TMEM232: variants seen among roughly 807,000 people sequenced by gnomAD.
TMEM232 encodes transmembrane protein 232.
TMEM232 carries 80 observed loss-of-function variants against 78.8 expected under a neutral mutation model. The observed-to-expected ratio is 1.01, with a 90% CI of 0.85 to 1.22. The LOEUF is 1.22. TMEM232 is among the 50% of genes most tolerant of loss of function. The pLI, the probability that TMEM232 is intolerant of heterozygous loss-of-function variation, is 0.00. For missense variants in TMEM232, 881 were observed against 742.2 expected, an observed-to-expected ratio of 1.19 and a Z score of -2.17; for synonymous variants, 297 against 254.3, an observed-to-expected ratio of 1.17 and a Z score of -1.60.
intron 11 of TMEM232, among the ~76,000 whole-genome samples, chr5:110,534,411 C>T (rs1474683120): frequency 6.6e-6 from 1 of 152,188 alleles, no homozygotes; most frequent in Admixed American, 6.5e-5. Context: ...CTAGACAATA[C>T]TTTTATCACT....
At chr5:110,676,682 T>C (rs984573545) in intron 1 of TMEM232, among the ~76,000 whole-genome samples, 1 of 151,906 alleles carries the variant, frequency 6.6e-6, no homozygotes, top group Non-Finnish European at 1.5e-5. Context: ...CTGCAGCCTC[T>C]GAAAGTGCTA....
intron 10 of TMEM232, among the ~76,000 whole-genome samples, chr5:110,574,208 C>T (rs554763753): frequency 2.6e-5 from 4 of 152,072 alleles, no homozygotes; most frequent in African/African-American, 9.6e-5. Context: ...ATGTCTGCTA[C>T]TTTGTATTAT....
intron 11 of TMEM232, among the ~76,000 whole-genome samples, chr5:110,552,753 T>TATA (rs1774620171): frequency 1.3e-5 from 2 of 152,142 alleles, no homozygotes; most frequent in Admixed American, 1.3e-4. Flanking sequence ...TCTGCAAATA[T>TATA]ATAATTTATC....
intron 11 of TMEM232, among the ~76,000 whole-genome samples, chr5:110,551,634 C>A (rs1774475673): frequency 6.6e-6 from 1 of 152,146 alleles, no homozygotes; most frequent in South Asian, 2.1e-4. Context: ...GAAAAAATAT[C>A]AACCCACAGT....
At position 110,589,291 on chromosome 5, in the gene TMEM232, A is replaced by G. The variant is rs541955549; in HGVS notation, c.1276+15818T>C. ...CTATAACATGGGAAGTGTTTTAATG[A>G]CACAGACCCCTGGACCCCACCTTTT... On this transcript the variant is annotated intron_variant, in intron 10 of 13. Coordinates refer to ENST00000455884, the MANE Select transcript of TMEM232 (RefSeq NM_001039763.4). 4.3e-4 allele frequency among the ~76,000 whole-genome samples: 65 copies of G among 152,256 alleles called. 1 individual carries two copies. Among genetic ancestry groups the G allele is most frequent in the African/African-American group, 1.4e-3 (60 of 41,558 alleles).
chr5:110,454,647 A>G (rs1487249085), intron 12 of TMEM232, among the ~76,000 whole-genome samples: 1 of 152,200 alleles, frequency 6.6e-6, no homozygotes, highest in Non-Finnish European at 1.5e-5. Flanking sequence ...AGAAAATGAA[A>G]GCACTGACAA....
chr5:110,483,730 C>A (rs1414241741), intron 12 of TMEM232, among the ~76,000 whole-genome samples: 1 of 151,428 alleles, frequency 6.6e-6, no homozygotes, highest in Non-Finnish European at 1.5e-5. Context: ...GCACATGTAC[C>A]CTAAAACTTA....
intron 5 of TMEM232, among the ~76,000 whole-genome samples, chr5:110,628,653 TCAGTATC>T (rs1298451842): frequency 6.8e-6 from 1 of 146,752 alleles, no homozygotes; most frequent in Non-Finnish European, 1.5e-5. Flanking sequence ...GCAATAGCTG[TCAGTATC>T]CAGTGTGTGT....
At chr5:110,488,862 T>C (rs1764735615) in intron 12 of TMEM232, among the ~76,000 whole-genome samples, 1 of 151,866 alleles carries the variant, frequency 6.6e-6, no homozygotes, top group Non-Finnish European at 1.5e-5. Flanking sequence ...TAAATGAGAA[T>C]GAAAGAGGAA....
intron 12 of TMEM232, among the ~76,000 whole-genome samples, chr5:110,528,315 A>G (rs1473288601): frequency 3.3e-5 from 5 of 151,890 alleles, no homozygotes; most frequent in African/African-American, 9.7e-5. Context: ...ATATTGAATG[A>G]TTTGGTTTCT....
At chr5:110,517,420 T>C (rs1768836633) in intron 12 of TMEM232, among the ~76,000 whole-genome samples, 1 of 152,204 alleles carries the variant, frequency 6.6e-6, no homozygotes, top group Non-Finnish European at 1.5e-5. Flanking sequence ...AAATTTGCTT[T>C]TACACAACTT....
intron 6 of TMEM232, 151 bp from the exon 7 acceptor site, chr5:110,625,584 C>A: frequency 1.7e-6 from 1 of 585,726 alleles, no homozygotes; most frequent in Non-Finnish European, 2.7e-6. Context: ...GTTATGTATG[C>A]CCCCTGGTGG....
chr5:110,553,325 T>C (rs1774688048), intron 11 of TMEM232, among the ~76,000 whole-genome samples: 1 of 152,202 alleles, frequency 6.6e-6, no homozygotes, highest in South Asian at 2.1e-4. Flanking sequence ...TTGGGCAGTA[T>C]GGCCATTTAA....
intron 12 of TMEM232, among the ~76,000 whole-genome samples, chr5:110,438,922 C>T (rs569014365): frequency 2.0e-5 from 3 of 152,184 alleles, no homozygotes; most frequent in South Asian, 2.1e-4. Context: ...CTCAGAACTC[C>T]ACCTGGTCAG....
At chr5:110,630,258 T>C (rs911570896) in intron 5 of TMEM232, among the ~76,000 whole-genome samples, 3 of 152,202 alleles carry the variant, frequency 2.0e-5, no homozygotes, top group Non-Finnish European at 2.9e-5. Context: ...GACAGCTGAC[T>C]AGAGACACTG....
chr5:110,389,199 T>G (rs909283488), intron 4 of TMEM232, among the ~76,000 whole-genome samples: 2 of 152,050 alleles, frequency 1.3e-5, no homozygotes, highest in Non-Finnish European at 2.9e-5. Context: ...AGGCGGAGGC[T>G]GCAGTGAGCC....
intron 8 of TMEM232, among the ~76,000 whole-genome samples, chr5:110,610,870 T>C (rs538919944): frequency 3.3e-5 from 5 of 152,204 alleles, no homozygotes; most frequent in African/African-American, 1.2e-4. Flanking sequence ...TGGTGATAAA[T>C]GTTATAGCCA....
intron 10 of TMEM232, among the ~76,000 whole-genome samples, chr5:110,588,187 T>C (rs1457287037): frequency 6.6e-6 from 1 of 152,108 alleles, no homozygotes; most frequent in Non-Finnish European, 1.5e-5. Flanking sequence ...AAATGAAACA[T>C]ACAAAGCTAT....
intron 3 of TMEM232, among the ~76,000 whole-genome samples, chr5:110,394,686 T>A (rs1755322091): frequency 6.6e-6 from 1 of 152,228 alleles, no homozygotes; most frequent in Admixed American, 6.5e-5. Context: ...ATCTCTTCGT[T>A]GACCCACTGG....
Sources: gnomAD v4.1 joint callset for allele counts (sites outside exome capture counted in the v4.1 genomes callset) on GRCh38, gnomAD v4.1.1 for gene constraint, MANE v1.5 for transcripts, NCBI Gene and HGNC (gene_info 2026-07-23, HGNC 2026-07-21) for gene names.